GPR55: variants seen among roughly 807,000 people sequenced by gnomAD.
GPR55 encodes G-protein coupled receptor 55.
Under a neutral mutation model 7.9 loss-of-function variants are expected in GPR55, and 6 were observed. The observed-to-expected ratio is 0.76, with a 90% CI of 0.41 to 1.49. The LOEUF (loss-of-function observed/expected upper bound fraction) is 1.49, where lower values mean the gene tolerates loss of function less well. GPR55 is among the 40% of genes most tolerant of loss of function. The pLI is 0.01. For missense variants in GPR55, 376 were observed against 406.0 expected (o/e 0.93, Z 0.63); for synonymous variants, 183 against 166.8 (o/e 1.10, Z -0.75).
At chr2:230,912,518 C>T (rs150165079) in intron 1 of GPR55, among the ~76,000 whole-genome samples, 111 of 152,306 alleles carry the variant, frequency 7.3e-4, no homozygotes, top group African/African-American at 2.6e-3. Context: ...CAACCTCTGC[C>T]TCCCCAGTTC....
chr2:230,949,989 A>T lies in GPR55; in HGVS notation c.-135+10786T>A, dbSNP rs1232774543. 2.0e-5 allele frequency among the ~76,000 whole-genome samples: 3 copies of T among 152,094 alleles called. No individual in the cohort carries two copies. In the East Asian group the frequency reaches 5.8e-4, roughly 29 times the overall value. On this transcript the variant is annotated intron_variant, in intron 1 of 1. Coordinates refer to the GPR55 transcript ENST00000392039. ...GCTGGGATTACAGGCAACCACCACC[A>T]CGCCTGGCTAATTTTTCTGTATTTT...
At chr2:230,940,331 T>C (rs1281092111) in intron 1 of GPR55, among the ~76,000 whole-genome samples, 1 of 152,150 alleles carries the variant, frequency 6.6e-6, no homozygotes, top group Non-Finnish European at 1.5e-5. Context: ...ACAGGCTGCG[T>C]TCTCTTCATA....
Position 230,924,229 on chromosome 2 carries a change from G to A in GPR55, c.-135+939C>T, listed in dbSNP as rs749393457. 6.6e-6 allele frequency among the ~76,000 whole-genome samples: 1 copy of A among 152,196 alleles called. No individual in the cohort carries two copies. On this transcript the variant is annotated intron_variant, in intron 1 of 1. Coordinates refer to ENST00000650999, the MANE Select transcript of GPR55 (RefSeq NM_005683.4). The surrounding 1 kb of genome is among the most constrained non-coding windows in gnomAD (Gnocchi z 4.5). ...AATGACGGAACAAATGGCCAGGTCT[G>A]CTGCAGCTCCACAGTGACTGGTGCT... is the stretch of plus-strand genomic sequence containing the variant.
chr2:230,921,188 C>A (rs1483895377), intron 1 of GPR55, among the ~76,000 whole-genome samples: 3 of 151,610 alleles, frequency 2.0e-5, no homozygotes, highest in African/African-American at 7.3e-5. Context: ...TGGGACCATG[C>A]AGGAAATGCA....
chr2:230,910,717 GA>G lies in GPR55; in HGVS notation c.245del (p.Val82AlafsTer48), dbSNP rs1690574340. 1.2e-6 allele frequency: 2 copies of G among 1,613,802 alleles called. No individual in the cohort carries two copies. Among genetic ancestry groups the G allele is most frequent in the Admixed American group, 3.3e-5 (2 of 60,008 alleles). Reference protein sequence around the residue: ...LLVLSLPFKMVLSQVQSPFPS... With the variant: ...LLVLSLPFKMXLSQVQSPFPS... ...GGAAGGGGGACTGTACCTGGGACAGGACCATCTTGAATGGGAGGGAGAGCAC... is the reference window on the plus strand; with the variant it reads ...GGAAGGGGGACTGTACCTGGGACAGGCCATCTTGAATGGGAGGGAGAGCAC... On this transcript the variant is annotated frameshift_variant, in exon 2 of 2. Transcript: ENST00000650999. LOFTEE classifies it high-confidence loss of function. The surrounding 1 kb of genome is among the most constrained non-coding windows in gnomAD (Gnocchi z 5.4).
rs551092250 is a variant in GPR55, at chr2:230,923,485, G to T, written c.-135+1683C>A. Among the ~76,000 whole-genome samples, 5 of 152,308 alleles carry T rather than the reference G, an allele frequency of 3.3e-5. No homozygotes were observed. Among genetic ancestry groups the T allele is most frequent in the Middle Eastern group, 3.4e-3 (1 of 294 alleles). On this transcript the variant is annotated intron_variant, in intron 1 of 1. Coordinates refer to ENST00000650999, the MANE Select transcript of GPR55 (RefSeq NM_005683.4). This position sits in a 1 kb window ranked among gnomAD's most constrained non-coding sequence, Gnocchi z 4.1. ...CACCATAGTGTGAATAAAGTCATCCGCCTGTGCCTGAGCTGGGCTTCTGGG... is the reference window on the plus strand; with the variant it reads ...CACCATAGTGTGAATAAAGTCATCCTCCTGTGCCTGAGCTGGGCTTCTGGG...
chr2:230,928,549 A>G (rs777229391), upstream of GPR55: 5 of 152,210 alleles, frequency 3.3e-5, no homozygotes, highest in Non-Finnish European at 7.3e-5. Flanking sequence ...TACCTGTCTC[A>G]GAAAACGTTG....
In GPR55 at chr2:230,918,539, A is replaced by G. The variant is rs191377546; in HGVS notation, c.-135+6629T>C. On this transcript the variant is annotated intron_variant, in intron 1 of 1. Coordinates refer to ENST00000650999, the MANE Select transcript of GPR55 (RefSeq NM_005683.4). ...AGATAATCCCCGTGCCCTATAAAGT[A>G]TTTCAGAACATAGTATTAATGAATT... Among the ~76,000 whole-genome samples the G allele has an allele frequency of 3.4e-4, 52 of 152,342 alleles. No homozygotes were observed. The East Asian group carries it at 8.3e-3, about 24-fold the overall frequency.
chr2:230,923,801 C>G lies in GPR55; in HGVS notation c.-135+1367G>C, dbSNP rs1690892328. 1.3e-5 allele frequency among the ~76,000 whole-genome samples: 2 copies of G among 152,130 alleles called. No homozygotes were observed. The highest frequency in any genetic ancestry group is 4.8e-5 in the African/African-American group (2 of 41,418). On this transcript the variant is annotated intron_variant, in intron 1 of 1. Transcript: ENST00000650999. This position sits in a 1 kb window ranked among gnomAD's most constrained non-coding sequence, Gnocchi z 4.1. ...CAAGGTCAAAAAGGCCGTGAGGGACCAGCTGGAACTCATGTTCTGAGTCTC... is the reference window on the plus strand; with the variant it reads ...CAAGGTCAAAAAGGCCGTGAGGGACGAGCTGGAACTCATGTTCTGAGTCTC...
At chr2:230,949,975 A>G (rs7598935) in intron 1 of GPR55, among the ~76,000 whole-genome samples, 37,149 of 152,094 alleles carry the variant, frequency 0.24, 4,926 homozygotes, top group Non-Finnish European at 0.28. Flanking sequence ...CTGGGATTAC[A>G]GGCAACCACC....
intron 1 of GPR55, among the ~76,000 whole-genome samples, chr2:230,912,409 C>T (rs1041720976): frequency 6.6e-6 from 1 of 152,124 alleles, no homozygotes; most frequent in African/African-American, 2.4e-5. Context: ...CTAGTGACCA[C>T]TGCAGCTATT....
At chr2:230,934,449 C>A (rs543378193) in intron 1 of GPR55, among the ~76,000 whole-genome samples, 1 of 152,332 alleles carries the variant, frequency 6.6e-6, no homozygotes, top group South Asian at 2.1e-4. Context: ...GTGAACAGCA[C>A]AAGTATCCAC....
At chr2:230,959,637 T>C (rs1194042292) in intron 1 of GPR55, among the ~76,000 whole-genome samples, 1 of 149,476 alleles carries the variant, frequency 6.7e-6, no homozygotes, top group Non-Finnish European at 1.5e-5. Flanking sequence ...GTCATGTTCC[T>C]GCCCAGCCAC....
chr2:230,931,396 T>C (rs1691035439), intron 1 of GPR55, among the ~76,000 whole-genome samples: 1 of 152,196 alleles, frequency 6.6e-6, no homozygotes, highest in Non-Finnish European at 1.5e-5. Flanking sequence ...CACAGAGGGC[T>C]GGAGCCCTGT....
intron 1 of GPR55, among the ~76,000 whole-genome samples, chr2:230,956,277 G>A (rs1691482827): frequency 6.6e-6 from 1 of 151,954 alleles, no homozygotes; most frequent in Non-Finnish European, 1.5e-5. Flanking sequence ...CAATTTTCCT[G>A]CCCCAGCCTC....
At chr2:230,911,444 C>T (rs753137210) in intron 1 of GPR55, among the ~76,000 whole-genome samples, 1 of 152,164 alleles carries the variant, frequency 6.6e-6, no homozygotes, top group Non-Finnish European at 1.5e-5. Context: ...CTCCTTTGTC[C>T]TCCTCCCACC....
rs1399837254 is a variant in GPR55 at position 230,908,455 on chromosome 2, C to T, written c.*1548G>A. On this transcript the variant is annotated 3_prime_UTR_variant, in exon 2 of 2. Coordinates refer to ENST00000650999, the MANE Select transcript of GPR55 (RefSeq NM_005683.4). ...CAGCTCAGCCAGGTTCCCCACCCAC[C>T]CTGCACTCCCTGCAGGCTTCAAGCC... 2.0e-5 allele frequency: 3 copies of T among 153,030 alleles called. No individual in the cohort carries two copies. The highest frequency in any genetic ancestry group is 7.2e-5 in the African/African-American group (3 of 41,424). The allele number at this position is 153,030 out of a possible 1,614,324, so 9.5% of individuals were successfully genotyped here. A position where few individuals can be genotyped will look rare whatever the true frequency, so the allele number is the denominator to read the frequency against.
Position 230,909,942 on chromosome 2 carries a change from C to T in GPR55, c.*61G>A, listed in dbSNP as rs1268129720. 9 of 1,506,734 alleles carry T rather than the reference C, an allele frequency of 6.0e-6. No homozygotes were observed. The Admixed American group carries it at 1.1e-4, about 19-fold the overall frequency. 93.3% of individuals were successfully genotyped at this position (1,506,734 alleles called of 1,614,324 possible). On this transcript the variant is annotated 3_prime_UTR_variant, in exon 2 of 2. Coordinates refer to ENST00000650999, the MANE Select transcript of GPR55 (RefSeq NM_005683.4). ...CCCACCACATCAAAACCCTGGAACG[C>T]GATATCCGTTACCAGAATTCAGGGC...
rs779801763 is a variant in GPR55 at position 230,910,660 on chromosome 2, G to A, written c.303C>T (p.Tyr101=). The A allele has an allele frequency of 6.2e-7, 1 of 1,613,768 alleles. No individual in the cohort carries two copies. Among genetic ancestry groups the A allele is most frequent in the South Asian group, 1.1e-5 (1 of 91,068 alleles). ...AGACGCTTCCGTACATGCTGACGAA[G>A]TAAAGGCACTCCACCAGGGTGCACA... The part of the protein sequence containing the change: ...PSLCTLVECL[Y]FVSMYGSVFT... The change falls in exon 2 of 2, where the codon TAC becomes TAT. Residue 101 remains tyrosine, a synonymous_variant. Coordinates refer to ENST00000650999, the MANE Select transcript of GPR55 (RefSeq NM_005683.4). This position sits in a 1 kb window ranked among gnomAD's most constrained non-coding sequence, Gnocchi z 5.4.
Sources: allele counts gnomAD v4.1 joint callset (sites outside exome capture counted in the v4.1 genomes callset), GRCh38; gene constraint gnomAD v4.1.1; non-coding constraint Gnocchi (gnomAD v3.1); transcripts MANE v1.5; gene names NCBI Gene and HGNC (gene_info 2026-07-23, HGNC 2026-07-21).